Variants in ATP10B observed in about 807,000 individuals in gnomAD.
The protein encoded by ATP10B is ATPase phospholipid transporting 10B (putative).
Under a neutral mutation model 141.2 loss-of-function variants are expected in ATP10B, and 122 were observed. The ratio of observed to expected loss-of-function variants is 0.86; its 90% CI spans 0.75 to 1.00. ATP10B has a LOEUF of 1.00. ATP10B is among the 50% of genes least tolerant of loss of function. The pLI, the probability that ATP10B is intolerant of heterozygous loss-of-function variation, is 0.00. For missense variants in ATP10B, 1,876 were observed against 1,825.3 expected (o/e 1.03, Z -0.51); for synonymous variants, 685 against 692.0 (o/e 0.99, Z 0.16).
chr5:160,853,211 A>G (rs1581657280), upstream of ATP10B, among the ~76,000 whole-genome samples: 1 of 152,318 alleles, frequency 6.6e-6, no homozygotes, highest in East Asian at 1.9e-4. Context: ...TAAAAGAGCG[A>G]GTTGGCATTT....
chr5:160,646,231 T>C (rs931118770), intron 8 of ATP10B, among the ~76,000 whole-genome samples: 4 of 152,132 alleles, frequency 2.6e-5, no homozygotes, highest in Admixed American at 6.5e-5. Context: ...ACTACCCCAC[T>C]CACCCACACT....
chr5:160,812,037 A>T (rs1031865166), intron 1 of ATP10B, among the ~76,000 whole-genome samples: 3 of 151,426 alleles, frequency 2.0e-5, no homozygotes, highest in Non-Finnish European at 4.4e-5. Context: ...AGAGAGAGAG[A>T]GAGAGAGAGA....
At chr5:160,613,178 C>T (rs1388339948) in intron 17 of ATP10B, among the ~76,000 whole-genome samples, 1 of 152,132 alleles carries the variant, frequency 6.6e-6, no homozygotes, top group African/African-American at 2.4e-5. Context: ...ACCAGGAGAC[C>T]TGAACTTCAC....
chr5:160,853,635 T>C (rs1007858375), upstream of ATP10B, among the ~76,000 whole-genome samples: 3 of 152,310 alleles, frequency 2.0e-5, no homozygotes, highest in South Asian at 4.1e-4. Context: ...GTTTTCATGC[T>C]AACCAATGAA....
intron 13 of ATP10B, among the ~76,000 whole-genome samples, chr5:160,623,340 T>C (rs1252454335): frequency 6.6e-6 from 1 of 152,048 alleles, no homozygotes; most frequent in Non-Finnish European, 1.5e-5. Flanking sequence ...GCATGTAAAG[T>C]GAATGAGGAA....
intron 6 of ATP10B, among the ~76,000 whole-genome samples, chr5:160,678,201 T>G (rs966496010): frequency 6.6e-6 from 1 of 152,228 alleles, no homozygotes; most frequent in Admixed American, 6.5e-5. Context: ...ATTATAACCC[T>G]GTCCACTGGT....
intron 2 of ATP10B, among the ~76,000 whole-genome samples, chr5:160,724,823 A>G (rs1766225649): frequency 6.6e-6 from 1 of 151,982 alleles, no homozygotes; most frequent in Admixed American, 6.6e-5. Context: ...CCTATTTAAA[A>G]CTGTAAGTTC....
chr5:160,888,687 CT>C, the ATP10B span, among the ~76,000 whole-genome samples: 23 of 152,266 alleles, frequency 1.5e-4, no homozygotes, highest in Admixed American at 1.2e-3. Flanking sequence ...CTCTGTCTTC[CT>C]TTGTTCCTAG....
intron 22 of ATP10B, among the ~76,000 whole-genome samples, chr5:160,597,918 A>T (rs1247243773): frequency 6.6e-6 from 1 of 151,480 alleles, no homozygotes; most frequent in African/African-American, 2.4e-5. Flanking sequence ...GGATGTGGAG[A>T]AATAGGAACA....
At chr5:160,660,988 A>C (rs1390709949) in intron 7 of ATP10B, among the ~76,000 whole-genome samples, 1 of 152,160 alleles carries the variant, frequency 6.6e-6, no homozygotes, top group Non-Finnish European at 1.5e-5. Context: ...GGAGTTTAAG[A>C]CCAGCCTGAC....
At chr5:160,668,067 C>A (rs1481338459) in intron 7 of ATP10B, among the ~76,000 whole-genome samples, 1 of 152,012 alleles carries the variant, frequency 6.6e-6, no homozygotes, top group Non-Finnish European at 1.5e-5. Context: ...CCTGTCTCTA[C>A]TAAAAATACA....
the ATP10B span, among the ~76,000 whole-genome samples, chr5:160,899,711 C>A: frequency 1.1e-4 from 16 of 152,066 alleles, no homozygotes; most frequent in Non-Finnish European, 1.5e-5. Context: ...TGCAATTATA[C>A]CTTGAGTAAG....
At chr5:160,715,695 T>TATTTATTA (rs1765592040) in intron 3 of ATP10B, among the ~76,000 whole-genome samples, 1 of 148,740 alleles carries the variant, frequency 6.7e-6, no homozygotes, top group Non-Finnish European at 1.5e-5. Flanking sequence ...TTGCTTTATT[T>TATTTATTA]ATTTATTTAT....
At chr5:160,655,169 T>C (rs1414192260) in intron 7 of ATP10B, among the ~76,000 whole-genome samples, 2 of 152,194 alleles carry the variant, frequency 1.3e-5, no homozygotes, top group African/African-American at 2.4e-5. Context: ...CAGTGCAATG[T>C]GTTACCTCTT....
chr5:160,568,663 C>T (rs780547980), intron 25 of ATP10B, among the ~76,000 whole-genome samples: 1 of 152,142 alleles, frequency 6.6e-6, no homozygotes, highest in African/African-American at 2.4e-5. Context: ...TGAACACATT[C>T]TGGTCCCTCT....
intron 2 of ATP10B, among the ~76,000 whole-genome samples, chr5:160,757,419 G>C (rs1768704405): frequency 6.6e-6 from 1 of 152,130 alleles, no homozygotes; most frequent in Admixed American, 6.6e-5. Context: ...TTCATACAAG[G>C]GTAGGGAAAA....
intron 1 of ATP10B, among the ~76,000 whole-genome samples, chr5:160,790,867 G>A (rs1057273526): frequency 6.6e-6 from 1 of 152,158 alleles, no homozygotes; most frequent in Non-Finnish European, 1.5e-5. Flanking sequence ...GGTTGGCCCA[G>A]TGTAATCACA....
intron 11 of ATP10B, 25 bp downstream of exon 11, chr5:160,636,157 C>T (rs981707310): frequency 1.3e-6 from 2 of 1,575,714 alleles, no homozygotes; most frequent in East Asian, 2.3e-5. Flanking sequence ...TCTTATTGGG[C>T]CCCTAGTTAG....
chr5:160,884,775 C>A, the ATP10B span, among the ~76,000 whole-genome samples: 1 of 151,990 alleles, frequency 6.6e-6, no homozygotes, highest in Non-Finnish European at 1.5e-5. Context: ...TACATTTAAG[C>A]AAACATTTGA....
Sources: gnomAD v4.1 joint callset for allele counts (sites outside exome capture counted in the v4.1 genomes callset) on GRCh38, gnomAD v4.1.1 for gene constraint, MANE v1.5 for transcripts, NCBI Gene and HGNC (gene_info 2026-07-23, HGNC 2026-07-21) for gene names.